The following DGKI variants were observed in gnomAD, a reference collection of about 807,000 sequenced individuals.
DGKI encodes the protein diacylglycerol kinase iota, also known as DAG kinase iota.
DGKI carries 55 observed loss-of-function variants against 147.5 expected under a neutral mutation model. That is an observed-to-expected ratio of 0.37 (90% CI 0.30 to 0.47). The LOEUF (loss-of-function observed/expected upper bound fraction) is 0.47. DGKI is among the 20% of genes least tolerant of loss of function. The probability of loss-of-function intolerance (pLI) is 1.00; values close to 1 mark genes in which losing one functional copy is unlikely to be tolerated. For missense variants in DGKI, 1,007 were observed against 1,323.8 expected, an observed-to-expected ratio of 0.76 and a Z score of 3.71; for synonymous variants, 469 against 477.1, an observed-to-expected ratio of 0.98 and a Z score of 0.22.
At chr7:137,690,425 C>T (rs1026982441) in intron 1 of DGKI, among the ~76,000 whole-genome samples, 4 of 152,192 alleles carry the variant, frequency 2.6e-5, no homozygotes, top group African/African-American at 7.2e-5. Flanking sequence ...CCTCCATTTT[C>T]CAGCAAAGCA....
chr7:137,719,535 G>A (rs376685338), intron 1 of DGKI, among the ~76,000 whole-genome samples: 1 of 151,906 alleles, frequency 6.6e-6, no homozygotes, highest in Non-Finnish European at 1.5e-5. Context: ...TGAAGTACTC[G>A]ACGGGATTCA....
chr7:137,475,982 A>G (rs1286406176), intron 23 of DGKI, among the ~76,000 whole-genome samples: 1 of 152,200 alleles, frequency 6.6e-6, no homozygotes, highest in African/African-American at 2.4e-5. Context: ...CACATTTAAG[A>G]AAGCCCTTTC....
chr7:137,736,462 ATAGCAGACCT>A (rs934822993), intron 1 of DGKI, among the ~76,000 whole-genome samples: 1 of 152,138 alleles, frequency 6.6e-6, no homozygotes, highest in African/African-American at 2.4e-5. Flanking sequence ...AATGGGATTA[ATAGCAGACCT>A]TACCTCTTCA....
At position 137,764,185 on chromosome 7, in the gene DGKI, C is replaced by T. The variant is rs572995651; in HGVS notation, c.402-74183G>A. On this transcript the variant is annotated intron_variant, in intron 1 of 32. Transcript: ENST00000614521. ...GACAGATCATATTCCTTAAAGTGCC[C>T]CTCCCCTCCTCTGACTCTTTGTCCA... is the stretch of plus-strand genomic sequence containing the variant. Among the ~76,000 whole-genome samples the T allele has an allele frequency of 6.6e-5, 10 of 151,984 alleles. No individual in the cohort carries two copies. The South Asian group carries it at 2.1e-3, about 32-fold the overall frequency.
At chr7:137,703,767 T>C in intron 1 of DGKI, among the ~76,000 whole-genome samples, 1 of 152,126 alleles carries the variant, frequency 6.6e-6, no homozygotes, top group Non-Finnish European at 1.5e-5. Context: ...TGAGAGAAGA[T>C]CTGATTTCCA....
Position 137,751,456 on chromosome 7 carries a change from T to C in DGKI, c.402-61454A>G, listed in dbSNP as rs575055742. 2.0e-5 allele frequency among the ~76,000 whole-genome samples: 3 copies of C among 152,354 alleles called. No individual in the cohort carries two copies. In the East Asian group the frequency reaches 5.8e-4, roughly 29 times the overall value. ...TGTACTTGGTGGCATCTGACAAACATCTGCTGAGTATCTTTTCATATATTT... is the reference window on the plus strand; with the variant it reads ...TGTACTTGGTGGCATCTGACAAACACCTGCTGAGTATCTTTTCATATATTT... On this transcript the variant is annotated intron_variant, in intron 1 of 32. Transcript: ENST00000614521.
intron 27 of DGKI, among the ~76,000 whole-genome samples, chr7:137,450,040 C>G (rs1056887578): frequency 1.3e-5 from 2 of 152,122 alleles, no homozygotes; most frequent in African/African-American, 4.8e-5. Flanking sequence ...TAGAGAAAGA[C>G]AAATACTGCA....
intron 15 of DGKI, 47 bp downstream of exon 15, chr7:137,581,803 G>C: frequency 6.6e-7 from 1 of 1,512,290 alleles, no homozygotes. Context: ...CAAAACACCT[G>C]CTAGAAACTT....
chr7:137,522,008 C>A (rs200284652), intron 20 of DGKI, 42 bp from the exon 21 acceptor site: 1 of 1,467,802 alleles, frequency 6.8e-7, no homozygotes. Context: ...AATGAGAGAG[C>A]GGAATTGGTA....
chr7:137,527,792 T>C (rs887562810), intron 20 of DGKI, among the ~76,000 whole-genome samples: 1 of 152,100 alleles, frequency 6.6e-6, no homozygotes, highest in African/African-American at 2.4e-5. Flanking sequence ...TTAATAGTAA[T>C]AATGAATTGC....
At chr7:137,539,134 C>A (rs906251474) in intron 20 of DGKI, among the ~76,000 whole-genome samples, 4 of 152,132 alleles carry the variant, frequency 2.6e-5, no homozygotes, top group Non-Finnish European at 5.9e-5. Context: ...CCTTCTGGCA[C>A]CTAAAATTAG....
intron 28 of DGKI, among the ~76,000 whole-genome samples, chr7:137,428,645 A>G (rs1473259687): frequency 6.6e-6 from 1 of 152,184 alleles, no homozygotes; most frequent in Admixed American, 6.5e-5. Flanking sequence ...TTGTATATCT[A>G]GAAAACCCCA....
chr7:137,565,103 T>C (rs758060932), intron 19 of DGKI, among the ~76,000 whole-genome samples: 2 of 152,338 alleles, frequency 1.3e-5, no homozygotes, highest in East Asian at 1.9e-4. Flanking sequence ...TAATTTGAAA[T>C]GTGAAGAGAG....
chr7:137,457,883 C>T (rs1814268003), intron 27 of DGKI, among the ~76,000 whole-genome samples: 1 of 151,154 alleles, frequency 6.6e-6, no homozygotes, highest in Non-Finnish European at 1.5e-5. Context: ...TTCGTTAATT[C>T]TTTAAATATT....
rs890327004 is a variant in DGKI at position 137,617,450 on chromosome 7, T to A, written c.993+2374A>T. 3.9e-5 allele frequency among the ~76,000 whole-genome samples: 6 copies of A among 152,280 alleles called. No individual in the cohort carries two copies. In the East Asian group the frequency reaches 1.2e-3, roughly 29 times the overall value. ...TATTTTAGACAACAGGAAAAAATTT[T>A]AAGGGATTATTAACATGACTGAGAT... On this transcript the variant is annotated intron_variant, in intron 8 of 32. Transcript: ENST00000614521.
chr7:137,667,104 C>T (rs1822666163), intron 3 of DGKI, among the ~76,000 whole-genome samples: 1 of 151,942 alleles, frequency 6.6e-6, no homozygotes, highest in Non-Finnish European at 1.5e-5. Flanking sequence ...TGTTCCTTGT[C>T]ATATTTTTAC....
chr7:137,713,668 G>T (rs1307371015), intron 1 of DGKI, among the ~76,000 whole-genome samples: 1 of 151,884 alleles, frequency 6.6e-6, no homozygotes, highest in Non-Finnish European at 1.5e-5. Flanking sequence ...TAGAGACAGG[G>T]TCTCTTTTTG....
At chr7:137,620,159 G>A (rs980969479) in intron 7 of DGKI, among the ~76,000 whole-genome samples, 1 of 152,048 alleles carries the variant, frequency 6.6e-6, no homozygotes. Flanking sequence ...AGCCCCAGGA[G>A]CTTAGAGACC....
At chr7:137,434,316 A>AG (rs1813198533) in intron 28 of DGKI, among the ~76,000 whole-genome samples, 1 of 152,168 alleles carries the variant, frequency 6.6e-6, no homozygotes. Flanking sequence ...ATGGTGGCTC[A>AG]TGCCTGTAAT....
Sources: allele counts gnomAD v4.1 joint callset (sites outside exome capture counted in the v4.1 genomes callset), GRCh38; gene constraint gnomAD v4.1.1; transcripts MANE v1.5; gene names NCBI Gene and HGNC (gene_info 2026-07-23, HGNC 2026-07-21).